Variants in COL8A1 observed in about 807,000 individuals in gnomAD.
COL8A1 encodes collagen type VIII alpha 1 chain.
A neutral mutation model predicts 42.7 loss-of-function variants in COL8A1; 21 were observed. That is an observed-to-expected ratio of 0.49 (90% confidence interval 0.35 to 0.71). The LOEUF is 0.71. Ranked by LOEUF, COL8A1 falls within the 30% of genes least tolerant of loss-of-function variation. The pLI is 0.01. For synonymous variants in COL8A1, 367 were observed against 369.1 expected, an observed-to-expected ratio of 0.99 and a Z score of 0.06; for missense variants, 788 against 962.4, an observed-to-expected ratio of 0.82 and a Z score of 2.40.
At chr3:99,707,206 G>A (rs1375293826) in intron 1 of COL8A1, 1 of 152,144 alleles carries the variant, frequency 6.6e-6, no homozygotes, top group African/African-American at 2.4e-5. Flanking sequence ...CCTGTGATAA[G>A]GGAAACATGT....
intron 1 of COL8A1, among the ~76,000 whole-genome samples, chr3:99,706,850 G>C (rs1473910632): frequency 6.6e-6 from 1 of 152,142 alleles, no homozygotes. Flanking sequence ...CACCGCAAAA[G>C]GGACATTCTC....
chr3:99,691,516 A>C (rs1365965934), intron 1 of COL8A1: 2 of 151,940 alleles, frequency 1.3e-5, no homozygotes, highest in Non-Finnish European at 2.9e-5. Flanking sequence ...TCTTGGAAGA[A>C]ATGTAGAAAC....
chr3:99,787,802 T>G (rs1245035295), intron 2 of COL8A1, among the ~76,000 whole-genome samples: 3 of 152,064 alleles, frequency 2.0e-5, no homozygotes, highest in Non-Finnish European at 4.4e-5. Context: ...CCAGCCTGGC[T>G]GGCAAAGATT....
intron 1 of COL8A1, among the ~76,000 whole-genome samples, chr3:99,716,208 A>G (rs987830062): frequency 1.3e-5 from 2 of 152,044 alleles, no homozygotes; most frequent in Non-Finnish European, 2.9e-5. Context: ...TAGTCATTTT[A>G]GTAGAATTAT....
rs376738296 is a variant in COL8A1 at position 99,712,713 on chromosome 3, C to G, written c.-128-32184C>G. ...TTAGTCTAAGGAAGAAATCCCAGAA[C>G]TGAGAATTAGACAGACATGGAAGCT... is the stretch of plus-strand genomic sequence containing the variant. On this transcript the variant is annotated intron_variant, in intron 1 of 3. Transcript: ENST00000652472. Among the ~76,000 whole-genome samples, 31 of 152,206 alleles carry G rather than the reference C, an allele frequency of 2.0e-4. No individual in the cohort carries two copies. In the East Asian group the frequency reaches 4.8e-3, roughly 24 times the overall value.
intron 1 of COL8A1, among the ~76,000 whole-genome samples, chr3:99,672,880 C>T (rs141855089): frequency 2.0e-5 from 3 of 152,048 alleles, no homozygotes; most frequent in African/African-American, 7.2e-5. Flanking sequence ...TACATTTCAC[C>T]AGTTCCAGAC....
intron 1 of COL8A1, among the ~76,000 whole-genome samples, chr3:99,728,327 C>A (rs193093510): frequency 1.4e-4 from 21 of 152,058 alleles, no homozygotes; most frequent in African/African-American, 4.8e-4. Flanking sequence ...TACCAAGATT[C>A]TAGAGCATTT....
chr3:99,674,443 T>TAA (rs1576424704), intron 1 of COL8A1, among the ~76,000 whole-genome samples: 2 of 149,346 alleles, frequency 1.3e-5, no homozygotes, highest in African/African-American at 5.0e-5. Context: ...GTCTCCTTTT[T>TAA]TAAAAAAAAA....
At chr3:99,782,403 T>C (rs1159358898) in intron 2 of COL8A1, among the ~76,000 whole-genome samples, 1 of 152,136 alleles carries the variant, frequency 6.6e-6, no homozygotes, top group Non-Finnish European at 1.5e-5. Flanking sequence ...TTTATTTATT[T>C]ATGTTTGAGA....
intron 1 of COL8A1, among the ~76,000 whole-genome samples, chr3:99,681,946 G>T (rs551556340): frequency 1.3e-5 from 2 of 152,338 alleles, no homozygotes; most frequent in Non-Finnish European, 2.9e-5. Context: ...TGCAACCAGG[G>T]TGTTGGACTC....
intron 1 of COL8A1, among the ~76,000 whole-genome samples, chr3:99,721,993 A>G (rs1320768132): frequency 6.6e-6 from 1 of 152,122 alleles, no homozygotes; most frequent in Non-Finnish European, 1.5e-5. Flanking sequence ...TTGATACTCA[A>G]TAGATAATCA....
chr3:99,691,690 T>A (rs1293302109), intron 1 of COL8A1: 2 of 104,930 alleles, frequency 1.9e-5, no homozygotes, highest in Non-Finnish European at 4.2e-5. Context: ...AGCAGTGAGC[T>A]TTTTTTTTTT....
chr3:99,757,824 C>T (rs2107421358), intron 2 of COL8A1, among the ~76,000 whole-genome samples: 1 of 152,274 alleles, frequency 6.6e-6, no homozygotes, highest in East Asian at 1.9e-4. Context: ...CACATTTTTA[C>T]AGCATAGAAT....
intron 1 of COL8A1, among the ~76,000 whole-genome samples, chr3:99,690,061 G>A (rs747744969): frequency 3.3e-5 from 5 of 152,256 alleles, no homozygotes; most frequent in African/African-American, 7.2e-5. Context: ...ACATCAGCCC[G>A]ATAACTATAG....
Position 99,662,107 on chromosome 3 carries a change from G to A in COL8A1, c.-129+23443G>A, listed in dbSNP as rs957298663. Among the ~76,000 whole-genome samples, 9 of 152,280 alleles carry A rather than the reference G, an allele frequency of 5.9e-5. No homozygotes were observed. The South Asian group carries it at 6.2e-4, about 11-fold the overall frequency. On this transcript the variant is annotated intron_variant, in intron 1 of 3. Coordinates refer to ENST00000652472, the MANE Select transcript of COL8A1 (RefSeq NM_020351.4). ...AAAATGGTTAATATGGGCCGAGCAC[G>A]GTGGCACGTGCCTATAATCCCAGCA...
At chr3:99,717,215 T>A (rs1022901858) in intron 1 of COL8A1, among the ~76,000 whole-genome samples, 1 of 152,036 alleles carries the variant, frequency 6.6e-6, no homozygotes, top group Admixed American at 6.6e-5. Context: ...ATATTTTATG[T>A]AAAATTATTG....
rs566870237 is a variant in COL8A1, at chr3:99,737,102, C to G, written c.-128-7795C>G. ...TTTGCTTGGTAGATCTTCCTCCATC[C>G]TTTTATTTTGAGCCTATGTGTGTCT... On this transcript the variant is annotated intron_variant, in intron 1 of 3. Transcript: ENST00000652472. Among the ~76,000 whole-genome samples the G allele has an allele frequency of 1.4e-3, 206 of 152,176 alleles. 1 individual carries two copies. Among genetic ancestry groups the G allele is most frequent in the Middle Eastern group, 3.4e-3 (1 of 292 alleles).
chr3:99,793,125 C>T (rs114649771), intron 3 of COL8A1, among the ~76,000 whole-genome samples: 1,865 of 152,098 alleles, frequency 0.012, 20 homozygotes, highest in African/African-American at 0.028. Flanking sequence ...TGGGGTGGGG[C>T]AGGAGGGAGA....
At chr3:99,757,698 T>C (rs991970492) in intron 2 of COL8A1, among the ~76,000 whole-genome samples, 3 of 152,134 alleles carry the variant, frequency 2.0e-5, no homozygotes, top group Admixed American at 2.0e-4. Flanking sequence ...TGAGTACCTA[T>C]GGATGAAAAC....
Sources: gnomAD v4.1 joint callset for allele counts (sites outside exome capture counted in the v4.1 genomes callset) on GRCh38, gnomAD v4.1.1 for gene constraint, MANE v1.5 for transcripts, NCBI Gene and HGNC (gene_info 2026-07-23, HGNC 2026-07-21) for gene names.